Variants in KCNH5 observed in about 807,000 individuals in gnomAD.
The protein encoded by KCNH5 is voltage-gated delayed rectifier potassium channel KCNH5.
In KCNH5, 46 loss-of-function variants were observed where a neutral mutation model predicts 96.1. The ratio of observed to expected loss-of-function variants is 0.48; its 90% CI spans 0.38 to 0.61. The LOEUF is 0.61. Among genes scored for constraint, KCNH5 ranks in the 20% least tolerant of loss-of-function variants. KCNH5 has a pLI of 0.00. For missense variants in KCNH5, 907 were observed against 1,225.8 expected (o/e 0.74, Z 3.88); for synonymous variants, 439 against 449.8 (o/e 0.98, Z 0.30).
intron 10 of KCNH5, among the ~76,000 whole-genome samples, chr14:62,737,033 G>A (rs1054338925): frequency 8.6e-5 from 13 of 151,984 alleles, no homozygotes; most frequent in African/African-American, 3.1e-4. Context: ...CATAAGCCTT[G>A]CTCCTTATCT....
At position 62,703,455 on chromosome 14, in the gene KCNH5, A is replaced by G. The variant is rs1469008988; in HGVS notation, c.*4053T>C. 5 of 151,890 alleles carry G rather than the reference A, an allele frequency of 3.3e-5. No individual in the cohort carries two copies. 9.4% of individuals were successfully genotyped at this position (151,890 alleles called of 1,614,324 possible). On this transcript the variant is annotated 3_prime_UTR_variant, in exon 11 of 11. Transcript: ENST00000322893. ...AGAAAGATAATTTTTTCATTGACCA[A>G]TAGCATGTTGATATAAGGAAGCAAC...
chr14:62,855,156 C>T (rs1304478133), intron 7 of KCNH5, among the ~76,000 whole-genome samples: 1 of 151,926 alleles, frequency 6.6e-6, no homozygotes, highest in Admixed American at 6.6e-5. Flanking sequence ...AATAAAGGCC[C>T]CTGGCCAATA....
At chr14:63,036,981 G>A (rs1198131755) in intron 1 of KCNH5, among the ~76,000 whole-genome samples, 1 of 152,036 alleles carries the variant, frequency 6.6e-6, no homozygotes. Flanking sequence ...TGGAGGAGGC[G>A]GAAATTAGTT....
At chr14:62,887,007 G>A (rs1888611571) in intron 7 of KCNH5, among the ~76,000 whole-genome samples, 1 of 152,146 alleles carries the variant, frequency 6.6e-6, no homozygotes, top group South Asian at 2.1e-4. Context: ...ATATTTGGTT[G>A]ACTTAATCCT....
At chr14:62,755,415 A>G (rs1333052095) in intron 10 of KCNH5, among the ~76,000 whole-genome samples, 1 of 152,228 alleles carries the variant, frequency 6.6e-6, no homozygotes, top group East Asian at 1.9e-4. Flanking sequence ...TAGACCAACA[A>G]GAAGTAATTA....
intron 7 of KCNH5, among the ~76,000 whole-genome samples, chr14:62,852,552 G>C (rs1038181436): frequency 1.3e-5 from 2 of 151,712 alleles, no homozygotes; most frequent in African/African-American, 4.8e-5. Flanking sequence ...ATCAAAACCA[G>C]GAAACTGATA....
At chr14:62,978,380 T>G (rs755181000) in intron 6 of KCNH5, among the ~76,000 whole-genome samples, 1 of 152,218 alleles carries the variant, frequency 6.6e-6, no homozygotes, top group African/African-American at 2.4e-5. Flanking sequence ...ACTTAGCTAC[T>G]ACACTCAACA....
chr14:62,983,709 G>A (rs1002977561), intron 5 of KCNH5, among the ~76,000 whole-genome samples: 2 of 152,118 alleles, frequency 1.3e-5, no homozygotes, highest in Non-Finnish European at 2.9e-5. Flanking sequence ...ATCTGGGGAA[G>A]TTTTAAAAGA....
chr14:63,030,321 C>A (rs950432888), intron 1 of KCNH5, among the ~76,000 whole-genome samples: 2 of 152,210 alleles, frequency 1.3e-5, no homozygotes, highest in Non-Finnish European at 2.9e-5. Flanking sequence ...ATTTCAGAAG[C>A]TGTAATTTCA....
rs1185882892 is a variant in KCNH5 at position 62,701,927 on chromosome 14, C to T, written c.*5581G>A. Reference sequence around the variant, plus strand: ...TTTAATAGTGGTTTGGCCAAGAAGCCAACATCAGTGCAATCAATAAAAATA... The same window carrying T: ...TTTAATAGTGGTTTGGCCAAGAAGCTAACATCAGTGCAATCAATAAAAATA... On this transcript the variant is annotated 3_prime_UTR_variant, in exon 11 of 11. Coordinates refer to ENST00000322893, the MANE Select transcript of KCNH5 (RefSeq NM_139318.5). 2.0e-5 allele frequency: 3 copies of T among 151,820 alleles called. No homozygotes were observed. The highest frequency in any genetic ancestry group is 7.3e-5 in the African/African-American group (3 of 41,342). The allele number at this position is 151,820 out of a possible 1,614,324, so 9.4% of individuals were successfully genotyped here.
intron 8 of KCNH5, among the ~76,000 whole-genome samples, chr14:62,834,555 G>A (rs75338359): frequency 0.028 from 4,277 of 151,936 alleles, 94 homozygotes; most frequent in South Asian, 0.057. Context: ...GGCAGGCAAG[G>A]TACATAAGAG....
At chr14:62,723,831 C>T (rs1462075435) in intron 10 of KCNH5, among the ~76,000 whole-genome samples, 1 of 152,292 alleles carries the variant, frequency 6.6e-6, no homozygotes, top group East Asian at 1.9e-4. Flanking sequence ...ATATCAACTG[C>T]TTATTTTGAA....
intron 10 of KCNH5, among the ~76,000 whole-genome samples, chr14:62,757,831 G>A (rs1885656850): frequency 6.6e-6 from 1 of 152,042 alleles, no homozygotes; most frequent in Non-Finnish European, 1.5e-5. Context: ...GAGGAAAAGT[G>A]AAGATGGTTA....
At chr14:62,878,874 G>A (rs535003986) in intron 7 of KCNH5, among the ~76,000 whole-genome samples, 19 of 152,008 alleles carry the variant, frequency 1.2e-4, no homozygotes, top group African/African-American at 4.1e-4. Context: ...ATCTGTGTCC[G>A]AATTTCCTCT....
At chr14:62,786,139 C>T (rs893909571) in intron 9 of KCNH5, among the ~76,000 whole-genome samples, 1 of 152,018 alleles carries the variant, frequency 6.6e-6, no homozygotes, top group Non-Finnish European at 1.5e-5. Context: ...TGCAGTGAGC[C>T]GAGATCACGC....
rs556389998 is a variant in KCNH5 at position 62,883,785 on chromosome 14, AT to A, written c.1370-33934del. On this transcript the variant is annotated intron_variant, in intron 7 of 10. Transcript: ENST00000322893. ...TAATAATAATAATACTATTACAATA[AT>A]ATAATAATAATGAATAATAAGAAGT... Among the ~76,000 whole-genome samples, 163 of 152,034 alleles carry A rather than the reference AT, an allele frequency of 1.1e-3. 1 individual carries two copies. Among genetic ancestry groups the A allele is most frequent in the African/African-American group, 3.8e-3 (157 of 41,502 alleles).
chr14:62,769,573 T>C (rs568020156), intron 10 of KCNH5, among the ~76,000 whole-genome samples: 1 of 152,324 alleles, frequency 6.6e-6, no homozygotes, highest in South Asian at 2.1e-4. Context: ...CTGTGCAGAA[T>C]TTGCAGGCAC....
chr14:63,006,536 A>G (rs1891131681), intron 2 of KCNH5, 64 bp from the exon 3 acceptor site: 6 of 924,094 alleles, frequency 6.5e-6, no homozygotes, highest in Non-Finnish European at 1.1e-5. Flanking sequence ...TGCTACAAAA[A>G]TCATATAATT....
chr14:62,927,946 C>T (rs1451755037), intron 7 of KCNH5, among the ~76,000 whole-genome samples: 3 of 152,162 alleles, frequency 2.0e-5, no homozygotes, highest in South Asian at 4.2e-4. Context: ...ATTAATAGCT[C>T]TAAATGAGTT....
Sources: allele counts gnomAD v4.1 joint callset (sites outside exome capture counted in the v4.1 genomes callset), GRCh38; gene constraint gnomAD v4.1.1; transcripts MANE v1.5; gene names NCBI Gene and HGNC (gene_info 2026-07-23, HGNC 2026-07-21).